The following LARGE1 variants were observed in gnomAD, a reference collection of about 807,000 sequenced individuals.
LARGE1 encodes xylosyl- and glucuronyltransferase LARGE1.
A neutral mutation model predicts 87.6 loss-of-function variants in LARGE1; 43 were observed. The ratio of observed to expected loss-of-function variants is 0.49; its 90% CI spans 0.38 to 0.63. The LOEUF (loss-of-function observed/expected upper bound fraction) is 0.63, where lower values mean the gene tolerates loss of function less well. LARGE1 is among the 30% of genes least tolerant of loss of function. The pLI, the probability that LARGE1 is intolerant of heterozygous loss-of-function variation, is 0.00. For missense variants in LARGE1, 802 were observed against 1,000.2 expected (o/e 0.80, Z 2.67); for synonymous variants, 434 against 394.6 (o/e 1.10, Z -1.18).
At chr22:33,198,147 T>C (rs992417354) in intron 11 of LARGE1, among the ~76,000 whole-genome samples, 8 of 151,878 alleles carry the variant, frequency 5.3e-5, no homozygotes, top group African/African-American at 1.9e-4. Flanking sequence ...GTGTGGTGGG[T>C]GGGGGGAACA....
chr22:33,322,221 T>C (rs1169659190), intron 10 of LARGE1, among the ~76,000 whole-genome samples: 3 of 152,188 alleles, frequency 2.0e-5, no homozygotes, highest in African/African-American at 7.2e-5. Flanking sequence ...AAAGCATCCA[T>C]ATGGTGAGCT....
chr22:33,205,562 A>T (rs1924632398), intron 11 of LARGE1, among the ~76,000 whole-genome samples: 1 of 152,222 alleles, frequency 6.6e-6, no homozygotes, highest in Non-Finnish European at 1.5e-5. Context: ...CAGCATTCTC[A>T]TTTGTAGCCA....
intron 2 of LARGE1, among the ~76,000 whole-genome samples, chr22:33,756,043 A>G (rs899243788): frequency 1.3e-5 from 2 of 152,188 alleles, no homozygotes; most frequent in Non-Finnish European, 1.5e-5. Flanking sequence ...AGACCGCAAG[A>G]GTGAAAATTA....
chr22:33,578,972 T>A (rs1449783727), intron 5 of LARGE1, among the ~76,000 whole-genome samples: 3 of 152,222 alleles, frequency 2.0e-5, no homozygotes, highest in Admixed American at 1.3e-4. Context: ...AAGTGGCCAG[T>A]AACGCTCTAC....
At chr22:33,833,906 C>T (rs1415643484) in intron 1 of LARGE1, among the ~76,000 whole-genome samples, 2 of 152,110 alleles carry the variant, frequency 1.3e-5, no homozygotes, top group African/African-American at 4.8e-5. Context: ...CGGCTGGTCT[C>T]GAACTCCTGA....
intron 2 of LARGE1, among the ~76,000 whole-genome samples, chr22:33,660,407 T>C (rs891507081): frequency 2.6e-5 from 4 of 152,262 alleles, no homozygotes; most frequent in South Asian, 4.1e-4. Flanking sequence ...ATGATAACAG[T>C]GTATACTAGA....
intron 2 of LARGE1, chr22:33,750,557 T>A (rs1320265607): frequency 6.6e-6 from 1 of 151,212 alleles, no homozygotes; most frequent in Non-Finnish European, 1.5e-5. Flanking sequence ...TGTTTCTATA[T>A]CTTCCACAAT....
intron 6 of LARGE1, among the ~76,000 whole-genome samples, chr22:33,443,089 G>A (rs1192662419): frequency 2.0e-5 from 3 of 152,174 alleles, no homozygotes; most frequent in African/African-American, 4.8e-5. Flanking sequence ...ACTGCACCCA[G>A]CCATTGATTG....
chr22:33,851,939 T>G (rs948262412), intron 1 of LARGE1, among the ~76,000 whole-genome samples: 12 of 152,206 alleles, frequency 7.9e-5, no homozygotes, highest in African/African-American at 2.4e-4. Context: ...GATCTTGCTT[T>G]TATCTGTGCT....
At chr22:33,847,150 C>T (rs2063458777) in intron 1 of LARGE1, among the ~76,000 whole-genome samples, 1 of 152,158 alleles carries the variant, frequency 6.6e-6, no homozygotes, top group Non-Finnish European at 1.5e-5. Context: ...TGTACTCTGT[C>T]CTTTATTTCT....
intron 6 of LARGE1, among the ~76,000 whole-genome samples, chr22:33,496,222 A>C (rs1277001185): frequency 6.6e-6 from 1 of 152,006 alleles, no homozygotes; most frequent in Admixed American, 6.5e-5. Flanking sequence ...AGCTGATTAG[A>C]TTGTCCCCAC....
At chr22:33,873,601 A>G (rs894312323) in intron 1 of LARGE1, among the ~76,000 whole-genome samples, 4 of 152,172 alleles carry the variant, frequency 2.6e-5, no homozygotes, top group African/African-American at 7.2e-5. Flanking sequence ...TCACAACCAT[A>G]GAACCTGGGA....
chr22:33,772,428 G>A (rs1363653659), intron 1 of LARGE1, among the ~76,000 whole-genome samples: 2 of 151,576 alleles, frequency 1.3e-5, no homozygotes, highest in African/African-American at 4.9e-5. Context: ...CGATCTCTCC[G>A]ACCTTGTCTC....
In LARGE1 at chr22:33,796,265, A is replaced by G. The variant is rs115213858; in HGVS notation, c.-82-34707T>C. The stretch of plus-strand genomic sequence containing the variant: ...CATACATACTCAAAGTAGCTAATTT[A>G]ACATGTCATCAGCCCTTTTTCTAAG... On this transcript the variant is annotated intron_variant, in intron 1 of 14. Coordinates refer to ENST00000397394, the MANE Select transcript of LARGE1 (RefSeq NM_133642.5). 4.5e-3 allele frequency among the ~76,000 whole-genome samples: 690 copies of G among 152,364 alleles called. 3 individuals carry two copies. Among genetic ancestry groups the G allele is most frequent in the African/African-American group, 0.015 (633 of 41,584 alleles).
At chr22:33,585,993 C>G (rs140549110) in intron 5 of LARGE1, among the ~76,000 whole-genome samples, 273 of 152,304 alleles carry the variant, frequency 1.8e-3, no homozygotes, top group African/African-American at 6.1e-3. Context: ...GCCACTGCAC[C>G]CGGCCCACTC....
intron 2 of LARGE1, among the ~76,000 whole-genome samples, chr22:33,686,404 G>T (rs118184967): frequency 6.6e-6 from 1 of 151,802 alleles, no homozygotes; most frequent in Non-Finnish European, 1.5e-5. Context: ...TAGCCAGGCC[G>T]TGGTGGTGCG....
intron 11 of LARGE1, among the ~76,000 whole-genome samples, chr22:33,263,670 C>T (rs1927769015): frequency 6.6e-6 from 1 of 152,260 alleles, no homozygotes. Flanking sequence ...TCTGCCATAA[C>T]TGGTACCTGG....
At chr22:33,671,470 T>C (rs2081410633) in intron 2 of LARGE1, among the ~76,000 whole-genome samples, 1 of 152,240 alleles carries the variant, frequency 6.6e-6, no homozygotes, top group African/African-American at 2.4e-5. Context: ...ACTCTACAAT[T>C]AGTCAATCTA....
At position 33,374,585 on chromosome 22, in the gene LARGE1, T is replaced by C. The variant is rs568150793; in HGVS notation, c.1131+7334A>G. On this transcript the variant is annotated intron_variant, in intron 9 of 14. Coordinates refer to ENST00000397394, the MANE Select transcript of LARGE1 (RefSeq NM_133642.5). ...AATCAAAATTCTAACTTAAGTTTTA[T>C]TGACCTGAAATTAACTTTTGGATTT... 7.2e-5 allele frequency among the ~76,000 whole-genome samples: 11 copies of C among 152,310 alleles called. No individual in the cohort carries two copies. The East Asian group carries it at 1.9e-3, about 27-fold the overall frequency.
Sources: allele counts gnomAD v4.1 joint callset (sites outside exome capture counted in the v4.1 genomes callset), GRCh38; gene constraint gnomAD v4.1.1; transcripts MANE v1.5; gene names NCBI Gene and HGNC (gene_info 2026-07-23, HGNC 2026-07-21).